The following CSMD1 variants were observed in gnomAD, a reference collection of about 807,000 sequenced individuals.
CSMD1 encodes CUB and sushi domain-containing protein 1.
A neutral mutation model predicts 417.5 loss-of-function variants in CSMD1; 213 were observed. The observed-to-expected ratio is 0.51, with a 90% CI of 0.46 to 0.57. The LOEUF (loss-of-function observed/expected upper bound fraction) is 0.57. Among genes scored for constraint, CSMD1 ranks in the 20% least tolerant of loss-of-function variants. The probability of loss-of-function intolerance (pLI) is 0.00; values close to 1 mark genes in which losing one functional copy is unlikely to be tolerated. For missense variants in CSMD1, 6,923 were observed against 4,529.7 expected (o/e 1.53, Z -15.17); for synonymous variants, 2,862 against 1,736.8 (o/e 1.65, Z -16.11).
intron 5 of CSMD1, among the ~76,000 whole-genome samples, chr8:3,980,847 T>C (rs1204581368): frequency 2.0e-5 from 3 of 152,340 alleles, no homozygotes; most frequent in Admixed American, 6.5e-5. Context: ...TTGGCTACTT[T>C]GAAAATCCTT....
At chr8:4,555,569 G>A (rs558255868) in intron 2 of CSMD1, among the ~76,000 whole-genome samples, 1 of 152,092 alleles carries the variant, frequency 6.6e-6, no homozygotes, top group Non-Finnish European at 1.5e-5. Context: ...CCTCCAGGAA[G>A]GATCATTGAT....
At chr8:4,780,584 C>T (rs1797104960) in intron 1 of CSMD1, among the ~76,000 whole-genome samples, 1 of 150,402 alleles carries the variant, frequency 6.6e-6, no homozygotes, top group African/African-American at 2.4e-5. Context: ...TATTTTTTTC[C>T]ATAAGTTATT....
intron 5 of CSMD1, among the ~76,000 whole-genome samples, chr8:3,782,608 C>A (rs1339471382): frequency 1.3e-5 from 2 of 152,166 alleles, no homozygotes; most frequent in East Asian, 3.9e-4. Context: ...AACAAACCTG[C>A]ACGTTGTGCA....
chr8:3,549,444 C>T (rs975355536), intron 10 of CSMD1, among the ~76,000 whole-genome samples: 7 of 152,184 alleles, frequency 4.6e-5, no homozygotes, highest in African/African-American at 1.7e-4. Flanking sequence ...TTGAGGCTCA[C>T]ATGGAAACTC....
At chr8:3,322,539 A>T (rs1806219635) in intron 23 of CSMD1, among the ~76,000 whole-genome samples, 1 of 152,184 alleles carries the variant, frequency 6.6e-6, no homozygotes, top group Non-Finnish European at 1.5e-5. Flanking sequence ...CACATACATA[A>T]CTACCTATGG....
intron 2 of CSMD1, among the ~76,000 whole-genome samples, chr8:4,631,369 T>C (rs1470047258): frequency 4.0e-5 from 6 of 148,794 alleles, no homozygotes; most frequent in Admixed American, 4.0e-4. Flanking sequence ...CTCAAGACAA[T>C]AAAATAAAAT....
intron 8 of CSMD1, among the ~76,000 whole-genome samples, chr8:3,599,938 T>C (rs1801282370): frequency 1.3e-5 from 2 of 152,130 alleles, no homozygotes; most frequent in African/African-American, 4.8e-5. Flanking sequence ...CAGGACGTCT[T>C]AAAGCAAAGT....
At position 4,161,704 on chromosome 8, in the gene CSMD1, A is replaced by G. The variant is rs1294966376; in HGVS notation, c.416-129605T>C. Among the ~76,000 whole-genome samples the G allele has an allele frequency of 2.0e-5, 3 of 152,214 alleles. No individual in the cohort carries two copies. The East Asian group carries it at 5.8e-4, about 29-fold the overall frequency. On this transcript the variant is annotated intron_variant, in intron 3 of 69. Transcript: ENST00000635120. ...CAATTTAGCAGAAAAATCTGCCACG[A>G]ATCATAAGAAAACCATTGCTGCCAT...
chr8:4,064,562 G>A (rs1799145640), intron 3 of CSMD1, among the ~76,000 whole-genome samples: 1 of 152,196 alleles, frequency 6.6e-6, no homozygotes, highest in Non-Finnish European at 1.5e-5. Context: ...TCAACACACA[G>A]CTCCTACTTC....
At chr8:3,247,969 C>A (rs1025677448) in intron 26 of CSMD1, among the ~76,000 whole-genome samples, 3 of 152,180 alleles carry the variant, frequency 2.0e-5, no homozygotes, top group African/African-American at 7.2e-5. Context: ...CTCCCGAAAT[C>A]TGCAGGTCGC....
At chr8:3,507,206 T>C (rs977858401) in intron 10 of CSMD1, among the ~76,000 whole-genome samples, 1 of 152,220 alleles carries the variant, frequency 6.6e-6, no homozygotes, top group African/African-American at 2.4e-5. Flanking sequence ...ATGAAATCTA[T>C]TTTGTAACAT....
At chr8:3,714,576 A>AAAAAAAAAAAAAAAAAG in intron 6 of CSMD1, among the ~76,000 whole-genome samples, 1 of 147,922 alleles carries the variant, frequency 6.8e-6, no homozygotes, top group African/African-American at 2.5e-5. Context: ...AAAAAAAAAA[A>AAAAAAAAAAAAAAAAAG]AAAAATTAGC....
intron 7 of CSMD1, among the ~76,000 whole-genome samples, chr8:3,626,557 C>A (rs151047082): frequency 6.6e-6 from 1 of 151,600 alleles, no homozygotes; most frequent in Non-Finnish European, 1.5e-5. Context: ...ATAATTAAAT[C>A]TTCAAGTTTT....
chr8:4,797,805 G>C (rs551640355), intron 1 of CSMD1, among the ~76,000 whole-genome samples: 2 of 152,262 alleles, frequency 1.3e-5, no homozygotes, highest in South Asian at 2.1e-4. Context: ...AAAAATACTT[G>C]TGCTCATGTA....
chr8:4,874,006 T>C (rs1442751223), intron 1 of CSMD1, among the ~76,000 whole-genome samples: 1 of 152,246 alleles, frequency 6.6e-6, no homozygotes, highest in East Asian at 1.9e-4. Context: ...ACTATATGTG[T>C]TGTAATCGCA....
At chr8:3,436,311 G>C (rs990176877) in intron 12 of CSMD1, among the ~76,000 whole-genome samples, 1 of 152,188 alleles carries the variant, frequency 6.6e-6, no homozygotes, top group Non-Finnish European at 1.5e-5. Context: ...AAAAAGGTGA[G>C]AAAGTCCATG....
intron 2 of CSMD1, among the ~76,000 whole-genome samples, chr8:4,588,389 ATCTC>A (rs1799811512): frequency 1.6e-5 from 1 of 61,882 alleles, no homozygotes; most frequent in Non-Finnish European, 3.7e-5. Flanking sequence ...ATAAAGAACT[ATCTC>A]ATAAAGACAG....
Position 3,106,615 on chromosome 8 carries a change from G to A in CSMD1, c.6862C>T (p.Pro2288Ser). 1.2e-6 allele frequency: 2 copies of A among 1,613,282 alleles called. No individual in the cohort carries two copies. The highest frequency in any genetic ancestry group is 1.7e-6 in the Non-Finnish European group (2 of 1,179,538). The change falls in exon 46 of 70, where the codon CCC (proline) becomes TCC (serine). Residue 2288 changes from proline to serine, a missense_variant. Transcript: ENST00000635120. ...IGDFVKYQCH[P>S]GYTLVGTDIL... ...TCGGTCCCCACCAAGGTGTACCCGGGGTGGCACTGGTACTTCACAAAATCT... is the reference window on the plus strand; with the variant it reads ...TCGGTCCCCACCAAGGTGTACCCGGAGTGGCACTGGTACTTCACAAAATCT...
intron 5 of CSMD1, among the ~76,000 whole-genome samples, chr8:3,960,871 C>G (rs2129978163): frequency 6.6e-6 from 1 of 151,958 alleles, no homozygotes; most frequent in South Asian, 2.1e-4. Flanking sequence ...ACTTTTATAC[C>G]TAATGTTTAT....
Sources: gnomAD v4.1 joint callset for allele counts (sites outside exome capture counted in the v4.1 genomes callset) on GRCh38, gnomAD v4.1.1 for gene constraint, MANE v1.5 for transcripts, NCBI Gene and HGNC (gene_info 2026-07-23, HGNC 2026-07-21) for gene names.